PLB1: variants seen among roughly 807,000 people sequenced by gnomAD.
PLB1 encodes the protein phospholipase B1, membrane-associated.
PLB1 carries 242 observed loss-of-function variants against 227.4 expected under a neutral mutation model. The ratio of observed to expected loss-of-function variants is 1.06; its 90% CI spans 0.96 to 1.18. The LOEUF (loss-of-function observed/expected upper bound fraction) is 1.18, where lower values mean the gene tolerates loss of function less well. Ranked by LOEUF, PLB1 falls within the 50% of genes most tolerant of loss-of-function variation. PLB1 has a pLI of 0.00. For synonymous variants in PLB1, 757 were observed against 682.2 expected, an observed-to-expected ratio of 1.11 and a Z score of -1.71; for missense variants, 1,858 against 1,816.3, an observed-to-expected ratio of 1.02 and a Z score of -0.42.
At chr2:28,582,212 C>T (rs1244254007) in intron 24 of PLB1, 79 bp downstream of exon 24, 4 of 1,489,182 alleles carry the variant, frequency 2.7e-6, no homozygotes, top group Non-Finnish European at 3.7e-6. Context: ...CTGCTGAGAC[C>T]TCCTTGGCAG....
chr2:28,498,003 G>A (rs1238831858), intron 1 of PLB1, among the ~76,000 whole-genome samples: 2 of 151,732 alleles, frequency 1.3e-5, no homozygotes, highest in Non-Finnish European at 2.9e-5. Flanking sequence ...ACAGGTGTGA[G>A]CCACCGTGCC....
chr2:28,621,484 A>G (rs1687049631), intron 49 of PLB1, among the ~76,000 whole-genome samples: 2 of 152,222 alleles, frequency 1.3e-5, no homozygotes, highest in Admixed American at 1.3e-4. Context: ...CTAGGGAGTT[A>G]GATGTCAGGG....
intron 1 of PLB1, among the ~76,000 whole-genome samples, chr2:28,502,803 A>AT (rs111468155): frequency 1.5e-4 from 23 of 151,886 alleles, no homozygotes; most frequent in South Asian, 4.1e-4. Context: ...ATAATAATGG[A>AT]TTTTTTTTCC....
intron 8 of PLB1, 112 bp from the exon 9 acceptor site, chr2:28,531,996 A>G: frequency 3.8e-6 from 3 of 796,846 alleles, no homozygotes; most frequent in Non-Finnish European, 6.2e-6. Flanking sequence ...AAATTCATAC[A>G]TGAGTTTTTC....
At chr2:28,586,349 A>G (rs529062438) in intron 26 of PLB1, among the ~76,000 whole-genome samples, 1 of 152,330 alleles carries the variant, frequency 6.6e-6, no homozygotes, top group East Asian at 1.9e-4. Flanking sequence ...TTGGGAGAGC[A>G]CAAGGAGAAA....
intron 42 of PLB1, 58 bp from the exon 43 acceptor site, chr2:28,606,438 G>A (rs1684690818): frequency 6.6e-7 from 1 of 1,517,824 alleles, no homozygotes; most frequent in Non-Finnish European, 9.1e-7. Flanking sequence ...GCCAGGGAAT[G>A]TTCACTTCCA....
chr2:28,629,136 G>A lies in PLB1; in HGVS notation c.3769G>A (p.Ala1257Thr), dbSNP rs781743273. The change falls in exon 53 of 58, where the codon GCT becomes ACT. Residue 1257 changes from alanine to threonine, a missense_variant. Ala to Thr is a moderately conservative substitution (Grantham distance 58). Coordinates refer to ENST00000327757, the MANE Select transcript of PLB1 (RefSeq NM_153021.5). ...CAACGTGGTGGAGGTCATGGAGCTG[G>A]CTAGCCTGTACCAGGGCCAAGGCGG... Reference protein sequence around the residue: ...FVNVVEVMELASLYQGQGGKC... With the variant: ...FVNVVEVMELTSLYQGQGGKC... 1 of 1,613,788 alleles carries A rather than the reference G, an allele frequency of 6.2e-7. No individual in the cohort carries two copies. Among genetic ancestry groups the A allele is most frequent in the East Asian group, 2.2e-5 (1 of 44,868 alleles).
chr2:28,628,341 T>G (rs1573544513), intron 51 of PLB1, among the ~76,000 whole-genome samples: 1 of 151,708 alleles, frequency 6.6e-6, no homozygotes, highest in Non-Finnish European at 1.5e-5. Context: ...TAGAGCAGGG[T>G]GGGGGTTGGG....
chr2:28,529,809 G>A (rs1261646639), intron 8 of PLB1, 30 bp downstream of exon 8: 2 of 1,611,350 alleles, frequency 1.2e-6, no homozygotes, highest in African/African-American at 1.3e-5. Flanking sequence ...TGGCATGGCT[G>A]GGCTGCCTGG....
At chr2:28,550,701 C>T (rs534510593) in intron 16 of PLB1, among the ~76,000 whole-genome samples, 15 of 151,392 alleles carry the variant, frequency 9.9e-5, no homozygotes, top group East Asian at 3.9e-4. Context: ...ACACCACACC[C>T]GGCTATTTTT....
chr2:28,601,998 TCAAGCA>T, intron 38 of PLB1, 34 bp downstream of exon 38: 2 of 1,539,706 alleles, frequency 1.3e-6, no homozygotes, highest in African/African-American at 1.4e-5. Context: ...TGGTAACAGC[TCAAGCA>T]TGGTGAGGGT....
At chr2:28,528,444 G>A (rs1052459711) in intron 6 of PLB1, among the ~76,000 whole-genome samples, 4 of 152,302 alleles carry the variant, frequency 2.6e-5, no homozygotes, top group African/African-American at 9.6e-5. Flanking sequence ...CATGTTCTCT[G>A]CATGTTCCCT....
chr2:28,614,028 T>C lies in PLB1; in HGVS notation c.3130-3T>C, dbSNP rs1008544632. On this transcript the variant is annotated splice_polypyrimidine_tract_variant and splice_region_variant and intron_variant, in intron 43 of 57. Coordinates refer to ENST00000327757, the MANE Select transcript of PLB1 (RefSeq NM_153021.5). Reference sequence around the variant, plus strand: ...CTTCTCCATGTGTTTTTTTTTCTCTTAGAATGAGCCCTTCCTGAGAACCCC... The same window carrying C: ...CTTCTCCATGTGTTTTTTTTTCTCTCAGAATGAGCCCTTCCTGAGAACCCC... 1 of 1,610,480 alleles carries C rather than the reference T, an allele frequency of 6.2e-7. No individual in the cohort carries two copies. Among genetic ancestry groups the C allele is most frequent in the African/African-American group, 1.3e-5 (1 of 74,938 alleles).
At chr2:28,538,522 T>A (rs1249973835) in intron 10 of PLB1, 141 bp downstream of exon 10, 2 of 701,510 alleles carry the variant, frequency 2.9e-6, no homozygotes. Context: ...CACCCCATCT[T>A]CTCATCCTTT....
At chr2:28,637,389 G>A (rs754585718) in intron 56 of PLB1, among the ~76,000 whole-genome samples, 1 of 152,026 alleles carries the variant, frequency 6.6e-6, no homozygotes, top group East Asian at 1.9e-4. Context: ...TTGGTCTGGA[G>A]TGCGAGCTGG....
At chr2:28,504,215 C>A (rs1399785704) in intron 1 of PLB1, among the ~76,000 whole-genome samples, 3 of 152,148 alleles carry the variant, frequency 2.0e-5, no homozygotes, top group Non-Finnish European at 4.4e-5. Context: ...CCAACTTTAC[C>A]ATCTTCTTGT....
intron 20 of PLB1, 24 bp from the exon 21 acceptor site, chr2:28,573,173 C>T (rs1404415539): frequency 1.3e-6 from 2 of 1,564,134 alleles, no homozygotes; most frequent in Admixed American, 1.7e-5. Flanking sequence ...AGTCACTAAG[C>T]GTGTCTTTTC....
chr2:28,639,784 A>G (rs1278284661), intron 56 of PLB1, among the ~76,000 whole-genome samples: 1 of 152,224 alleles, frequency 6.6e-6, no homozygotes, highest in Non-Finnish European at 1.5e-5. Context: ...AGTGGAAATA[A>G]TACTACCTTA....
intron 32 of PLB1, 50 bp from the exon 33 acceptor site, chr2:28,593,631 C>G: frequency 1.3e-6 from 2 of 1,527,742 alleles, no homozygotes; most frequent in Non-Finnish European, 1.8e-6. Flanking sequence ...CACAGCCTCC[C>G]TGTTCTCTGA....
Sources: allele counts gnomAD v4.1 joint callset (sites outside exome capture counted in the v4.1 genomes callset), GRCh38; gene constraint gnomAD v4.1.1; transcripts MANE v1.5; gene names NCBI Gene and HGNC (gene_info 2026-07-23, HGNC 2026-07-21).